E2F3: variants seen among roughly 807,000 people sequenced by gnomAD.
The protein encoded by E2F3 is E2F transcription factor 3.
In E2F3, 11 loss-of-function variants were observed where a neutral mutation model predicts 44.4. The ratio of observed to expected loss-of-function variants is 0.25; its 90% CI spans 0.16 to 0.41. E2F3 has a LOEUF of 0.41. Among genes scored for constraint, E2F3 ranks in the 10% least tolerant of loss-of-function variants. The pLI, the probability that E2F3 is intolerant of heterozygous loss-of-function variation, is 1.00. For synonymous variants in E2F3, 249 were observed against 253.0 expected (o/e 0.98, Z 0.15); for missense variants, 487 against 583.6 (o/e 0.83, Z 1.70).
At chr6:20,409,413 AT>A (rs1404356324) in intron 1 of E2F3, among the ~76,000 whole-genome samples, 1 of 152,238 alleles carries the variant, frequency 6.6e-6, no homozygotes, top group Non-Finnish European at 1.5e-5. Context: ...CTGTGGTTAT[AT>A]CAATTCTGTT....
chr6:20,403,676 G>C (rs993155605), intron 1 of E2F3: 10 of 399,226 alleles, frequency 2.5e-5, no homozygotes, highest in Middle Eastern at 6.7e-4. Flanking sequence ...ACCCGCCCCC[G>C]GCACCGCCAC....
intron 5 of E2F3, among the ~76,000 whole-genome samples, chr6:20,487,706 T>A (rs1284026072): frequency 6.6e-6 from 1 of 152,182 alleles, no homozygotes; most frequent in Non-Finnish European, 1.5e-5. Flanking sequence ...ATAGTTTTCT[T>A]TCTCTAGGGC....
At chr6:20,448,808 T>C (rs1211908564) in intron 1 of E2F3, among the ~76,000 whole-genome samples, 1 of 152,204 alleles carries the variant, frequency 6.6e-6, no homozygotes, top group Non-Finnish European at 1.5e-5. Flanking sequence ...GAGTGCCACA[T>C]AGTGGAAAAC....
intron 4 of E2F3, among the ~76,000 whole-genome samples, chr6:20,485,614 G>T (rs995654851): frequency 6.6e-6 from 1 of 152,094 alleles, no homozygotes; most frequent in African/African-American, 2.4e-5. Flanking sequence ...AGAGTACTGA[G>T]ATATTATACT....
chr6:20,449,944 C>T (rs1237701924), intron 1 of E2F3, among the ~76,000 whole-genome samples: 1 of 152,004 alleles, frequency 6.6e-6, no homozygotes, highest in Non-Finnish European at 1.5e-5. Flanking sequence ...CTGCAAAGAA[C>T]ACAGTCTCAT....
chr6:20,407,246 G>A lies in E2F3; in HGVS notation c.393+4621G>A, dbSNP rs17569397. ...TTTTAGTCACTACATACCCCAAAAT[G>A]GAAGTTTTAATATAATGCAGTGCCC... On this transcript the variant is annotated intron_variant, in intron 1 of 6. Transcript: ENST00000346618. Among the ~76,000 whole-genome samples, 1,006 of 152,256 alleles carry A rather than the reference G, an allele frequency of 6.6e-3. 6 individuals carry two copies. Among genetic ancestry groups the A allele is most frequent in the Middle Eastern group, 0.02 (6 of 294 alleles).
At chr6:20,471,039 AAAGAAG>A (rs1761872513) in intron 1 of E2F3, among the ~76,000 whole-genome samples, 1 of 152,254 alleles carries the variant, frequency 6.6e-6, no homozygotes, top group Non-Finnish European at 1.5e-5. Flanking sequence ...AAAAAGCTAA[AAAGAAG>A]AAAGTAAAAT....
chr6:20,419,550 TTTATTTACTTAC>T (rs1759955567), intron 1 of E2F3, among the ~76,000 whole-genome samples: 1 of 142,992 alleles, frequency 7.0e-6, no homozygotes, highest in Admixed American at 7.0e-5. Context: ...TATTTATTTA[TTTATTTACTTAC>T]TTACTTACTT....
intron 1 of E2F3, among the ~76,000 whole-genome samples, chr6:20,428,992 C>A (rs532091058): frequency 6.6e-6 from 1 of 152,236 alleles, no homozygotes; most frequent in African/African-American, 2.4e-5. Context: ...CCTCATGTGA[C>A]CTTTGGCAAT....
chr6:20,446,263 G>A (rs1395570213), intron 1 of E2F3, among the ~76,000 whole-genome samples: 3 of 152,072 alleles, frequency 2.0e-5, no homozygotes, highest in African/African-American at 7.2e-5. Flanking sequence ...TCTAGCTGAC[G>A]TTAAGTTTCT....
In E2F3 at chr6:20,490,409, G is replaced by A. The variant is rs1762523412; in HGVS notation, c.1377G>A (p.Val459=). The change falls in exon 7 of 7, where the codon GTG becomes GTA. Residue 459 remains valine, a synonymous_variant. Transcript: ENST00000346618. This position sits in a 1 kb window ranked among gnomAD's most constrained non-coding sequence, Gnocchi z 4.3. Reference sequence around the variant, plus strand: ...ACGATTTGGAAAAGCTCCCACTGGTGGAAGACTTCATGTGTAGTTGATTAT... The same window carrying A: ...ACGATTTGGAAAAGCTCCCACTGGTAGAAGACTTCATGTGTAGTTGATTAT... ...DAYDLEKLPL[V]EDFMCS The A allele has an allele frequency of 1.9e-6, 3 of 1,593,400 alleles. No individual in the cohort carries two copies. The highest frequency in any genetic ancestry group is 2.3e-5 in the South Asian group (2 of 87,836).
chr6:20,423,428 C>T lies in E2F3; in HGVS notation c.393+20803C>T, dbSNP rs117616892. ...CACTGGAATATATACAGTCTGCTGT[C>T]GACTGAAAGCATCATTGTTTGGCAG... On this transcript the variant is annotated intron_variant, in intron 1 of 6. Transcript: ENST00000346618. Among the ~76,000 whole-genome samples, 44 of 152,264 alleles carry T rather than the reference C, an allele frequency of 2.9e-4. No homozygotes were observed. In the East Asian group the frequency reaches 6.9e-3, roughly 24 times the overall value.
chr6:20,458,519 GC>G (rs1761390737), intron 1 of E2F3, among the ~76,000 whole-genome samples: 2 of 152,272 alleles, frequency 1.3e-5, no homozygotes, highest in Admixed American at 6.5e-5. Context: ...GGTGGTGCTT[GC>G]CGGTGGACCT....
intron 1 of E2F3, among the ~76,000 whole-genome samples, chr6:20,413,971 G>T (rs1196402795): frequency 2.6e-5 from 4 of 152,190 alleles, no homozygotes; most frequent in Non-Finnish European, 2.9e-5. Flanking sequence ...TCTGTCTGGG[G>T]TGTGCACTGT....
intron 3 of E2F3, 104 bp from the exon 4 acceptor site, chr6:20,482,658 C>T: frequency 1.9e-6 from 2 of 1,029,814 alleles, no homozygotes; most frequent in Non-Finnish European, 2.7e-6. Flanking sequence ...GGCTAACAAG[C>T]AATGTGACCT....
intron 1 of E2F3, among the ~76,000 whole-genome samples, chr6:20,449,728 G>A (rs148950043): frequency 2.6e-5 from 4 of 152,172 alleles, no homozygotes; most frequent in African/African-American, 9.6e-5. Flanking sequence ...CAGGTATTAA[G>A]CCTAGTACCC....
intron 1 of E2F3, among the ~76,000 whole-genome samples, chr6:20,458,703 A>G (rs1243240597): frequency 6.6e-6 from 1 of 152,222 alleles, no homozygotes; most frequent in African/African-American, 2.4e-5. Context: ...CTCTGGTGTG[A>G]CAAAGGGGCA....
chr6:20,409,965 G>T (rs1037582888), intron 1 of E2F3, among the ~76,000 whole-genome samples: 1 of 152,200 alleles, frequency 6.6e-6, no homozygotes, highest in Non-Finnish European at 1.5e-5. Context: ...CCTCTGGAAA[G>T]TTTTTTGGCG....
At chr6:20,462,303 C>T (rs1761537007) in intron 1 of E2F3, among the ~76,000 whole-genome samples, 1 of 152,146 alleles carries the variant, frequency 6.6e-6, no homozygotes. Context: ...TTTTCCGATA[C>T]ACAGTTTATT....
Sources: gnomAD v4.1 joint callset for allele counts (sites outside exome capture counted in the v4.1 genomes callset) on GRCh38, gnomAD v4.1.1 for gene constraint, Gnocchi (gnomAD v3.1) non-coding constraint, MANE v1.5 for transcripts, NCBI Gene and HGNC (gene_info 2026-07-23, HGNC 2026-07-21) for gene names.